Variants in LRRC7 observed in about 807,000 individuals in gnomAD.
The protein encoded by LRRC7 is leucine rich repeat containing 7, also known as leucine-rich repeat-containing protein 7.
LRRC7 carries 23 observed loss-of-function variants against 175.7 expected under a neutral mutation model. That is an observed-to-expected ratio of 0.13 (90% CI 0.09 to 0.19). LRRC7 has a LOEUF of 0.19. Among genes scored for constraint, LRRC7 ranks in the 10% least tolerant of loss-of-function variants. LRRC7 has a pLI of 1.00. For synonymous variants in LRRC7, 685 were observed against 680.9 expected, an observed-to-expected ratio of 1.01 and a Z score of -0.09; for missense variants, 1,354 against 1,904.7, an observed-to-expected ratio of 0.71 and a Z score of 5.38.
intron 7 of LRRC7, among the ~76,000 whole-genome samples, chr1:69,895,569 C>T (rs1343954960): frequency 6.6e-6 from 1 of 152,088 alleles, no homozygotes; most frequent in East Asian, 1.9e-4. Flanking sequence ...AATTCATCAG[C>T]CCCAACGGTG....
intron 8 of LRRC7, among the ~76,000 whole-genome samples, chr1:69,939,049 A>ATC (rs1648414426): frequency 1.6e-5 from 2 of 124,938 alleles, no homozygotes; most frequent in East Asian, 2.7e-4. Context: ...ATCTATATCT[A>ATC]TCTCACAGAC....
chr1:69,961,896 A>AGGCTACAG (rs1193065932), intron 8 of LRRC7, among the ~76,000 whole-genome samples: 3 of 152,176 alleles, frequency 2.0e-5, no homozygotes, highest in Non-Finnish European at 4.4e-5. Context: ...AAGAAAACCT[A>AGGCTACAG]GGCTACAGTA....
chr1:69,743,298 T>A (rs544216376), intron 2 of LRRC7, among the ~76,000 whole-genome samples: 1 of 152,128 alleles, frequency 6.6e-6, no homozygotes, highest in East Asian at 1.9e-4. Context: ...ACTTACATCC[T>A]GAGGAAGTTG....
chr1:69,832,865 G>A (rs1680681597), intron 5 of LRRC7, among the ~76,000 whole-genome samples: 1 of 152,184 alleles, frequency 6.6e-6, no homozygotes, highest in African/African-American at 2.4e-5. Context: ...AGCACTTTGG[G>A]AGGCCGAGGT....
At chr1:69,856,165 A>G (rs1293492165) in intron 7 of LRRC7, among the ~76,000 whole-genome samples, 2 of 152,186 alleles carry the variant, frequency 1.3e-5, no homozygotes, top group African/African-American at 4.8e-5. Flanking sequence ...TGATCCTGTC[A>G]TTATGATGTT....
chr1:70,039,869 A>G (rs1290404231), intron 21 of LRRC7, 76 bp downstream of exon 21: 4 of 1,489,736 alleles, frequency 2.7e-6, no homozygotes, highest in Non-Finnish European at 3.6e-6. Flanking sequence ...AAGCACATGT[A>G]GTGAAGCATG....
At chr1:70,053,900 T>C (rs1167613279) in intron 23 of LRRC7, among the ~76,000 whole-genome samples, 1 of 152,172 alleles carries the variant, frequency 6.6e-6, no homozygotes, top group African/African-American at 2.4e-5. Flanking sequence ...AACTGAACCT[T>C]TTTATCAATC....
intron 8 of LRRC7, among the ~76,000 whole-genome samples, chr1:69,973,409 T>C (rs1652471373): frequency 6.6e-6 from 1 of 151,958 alleles, no homozygotes. Context: ...GTAACCAAAC[T>C]ACCTGTTCCC....
intron 18 of LRRC7, among the ~76,000 whole-genome samples, chr1:70,034,240 A>G (rs1224195453): frequency 6.6e-6 from 1 of 152,126 alleles, no homozygotes; most frequent in African/African-American, 2.4e-5. Context: ...TCACCTTAAA[A>G]CTGTCATACA....
At chr1:69,588,687 G>T (rs1646499675) in intron 1 of LRRC7, among the ~76,000 whole-genome samples, 1 of 151,950 alleles carries the variant, frequency 6.6e-6, no homozygotes, top group African/African-American at 2.4e-5. Context: ...TCACCATTTG[G>T]TCATAAGAAT....
intron 7 of LRRC7, among the ~76,000 whole-genome samples, chr1:69,845,289 A>T (rs982205609): frequency 3.3e-5 from 5 of 152,128 alleles, no homozygotes; most frequent in African/African-American, 1.2e-4. Flanking sequence ...TGTAAAAAAC[A>T]GCATTTTAGA....
At chr1:69,630,237 T>C (rs1179211075) in intron 1 of LRRC7, among the ~76,000 whole-genome samples, 2 of 152,276 alleles carry the variant, frequency 1.3e-5, no homozygotes, top group African/African-American at 4.8e-5. Context: ...ATATATAATC[T>C]ATTTCTCTGC....
intron 11 of LRRC7, among the ~76,000 whole-genome samples, chr1:69,999,474 G>A (rs1341262722): frequency 1.3e-5 from 2 of 152,192 alleles, no homozygotes; most frequent in Non-Finnish European, 2.9e-5. Context: ...GACAGAGTGG[G>A]TGCTTTGTTG....
At chr1:69,596,512 G>A (rs1247796557) in intron 1 of LRRC7, among the ~76,000 whole-genome samples, 1 of 152,174 alleles carries the variant, frequency 6.6e-6, no homozygotes, top group Non-Finnish European at 1.5e-5. Context: ...ACCACCTGAT[G>A]TAAACAATAG....
intron 8 of LRRC7, among the ~76,000 whole-genome samples, chr1:69,962,513 A>C (rs1651196969): frequency 6.6e-6 from 1 of 152,232 alleles, no homozygotes; most frequent in South Asian, 2.1e-4. Context: ...TTTTTCTGTT[A>C]TAAAGATGGA....
rs148913044 is a variant in LRRC7, at chr1:69,875,403, G to T, written c.647+37120G>T. Among the ~76,000 whole-genome samples, 48 of 152,066 alleles carry T rather than the reference G, an allele frequency of 3.2e-4. 1 individual carries two copies. The highest frequency in any genetic ancestry group is 1.1e-3 in the African/African-American group (45 of 41,554). ...TAAAGGAAACTTTTCTTAATGAAAAGAAATTAACAAGTAAGTGGAATAACT... is the reference window on the plus strand; with the variant it reads ...TAAAGGAAACTTTTCTTAATGAAAATAAATTAACAAGTAAGTGGAATAACT... On this transcript the variant is annotated intron_variant, in intron 7 of 26. Coordinates refer to ENST00000651989, the MANE Select transcript of LRRC7 (RefSeq NM_001370785.2).
chr1:69,781,688 G>GAAGAAAGAAAGA lies in LRRC7; in HGVS notation c.304-10318_304-10307dup, dbSNP rs1553155061. On this transcript the variant is annotated intron_variant, in intron 3 of 26. Transcript: ENST00000651989. ...CAGAGCAAGACTGTCTCAAAAAAAA[G>GAAGAAAGAAAGA]AAGAAAGAAAGAAAGAAAGAAAGAA... Among the ~76,000 whole-genome samples the GAAGAAAGAAAGA allele has an allele frequency of 2.3e-4, 10 of 43,952 alleles. 2 individuals carry two copies. Among genetic ancestry groups the GAAGAAAGAAAGA allele is most frequent in the African/African-American group, 7.5e-4 (6 of 8,046 alleles). 28.8% of individuals were successfully genotyped at this position (43,952 alleles called of 152,430 possible).
rs1665883068 is a variant in LRRC7 at position 69,718,136 on chromosome 1, A to AG, written c.100+39658_100+39659insG. Among the ~76,000 whole-genome samples, 6 of 79,718 alleles carry AG rather than the reference A, an allele frequency of 7.5e-5. 1 individual carries two copies. Among genetic ancestry groups the AG allele is most frequent in the African/African-American group, 2.9e-4 (5 of 17,146 alleles). The allele number at this position is 79,718 out of a possible 152,430, so 52.3% of individuals were successfully genotyped here. On this transcript the variant is annotated intron_variant, in intron 2 of 26. Coordinates refer to ENST00000651989, the MANE Select transcript of LRRC7 (RefSeq NM_001370785.2). ...AAGAAAGAAAGAAAGAAAAGAAAGA[A>AG]AGAGAGAGAAAGAAAGAAAGAAAGA...
At chr1:69,625,721 A>G (rs2100343683) in intron 1 of LRRC7, among the ~76,000 whole-genome samples, 1 of 152,232 alleles carries the variant, frequency 6.6e-6, no homozygotes, top group East Asian at 1.9e-4. Flanking sequence ...TGTTTCAAAA[A>G]TATGTTTTAA....
Sources: allele counts gnomAD v4.1 joint callset (sites outside exome capture counted in the v4.1 genomes callset), GRCh38; gene constraint gnomAD v4.1.1; transcripts MANE v1.5; gene names NCBI Gene and HGNC (gene_info 2026-07-23, HGNC 2026-07-21).